SGCZ: variants seen among roughly 807,000 people sequenced by gnomAD.
SGCZ encodes the protein sarcoglycan zeta, also known as zeta-sarcoglycan.
A neutral mutation model predicts 41.3 loss-of-function variants in SGCZ; 40 were observed. The observed-to-expected ratio is 0.97, with a 90% CI of 0.75 to 1.26. The LOEUF (loss-of-function observed/expected upper bound fraction) is 1.26, where lower values mean the gene tolerates loss of function less well. Ranked by LOEUF, SGCZ falls within the 50% of genes most tolerant of loss-of-function variation. The pLI, the probability that SGCZ is intolerant of heterozygous loss-of-function variation, is 0.00. For synonymous variants in SGCZ, 206 were observed against 137.5 expected (o/e 1.50, Z -3.49); for missense variants, 552 against 369.8 (o/e 1.49, Z -4.04).
intron 1 of SGCZ, among the ~76,000 whole-genome samples, chr8:14,952,061 T>G (rs76941950): frequency 0.014 from 2,157 of 152,212 alleles, 55 homozygotes; most frequent in African/African-American, 0.048. Flanking sequence ...GTAAAATATT[T>G]TTTTCTCAAC....
At chr8:15,188,617 C>G (rs1800425816) in intron 1 of SGCZ, among the ~76,000 whole-genome samples, 1 of 152,088 alleles carries the variant, frequency 6.6e-6, no homozygotes, top group African/African-American at 2.4e-5. Context: ...TCCTGTTGTG[C>G]TTGTTTTAAA....
chr8:14,382,020 C>T (rs1017794398), intron 2 of SGCZ, among the ~76,000 whole-genome samples: 1 of 152,038 alleles, frequency 6.6e-6, no homozygotes, highest in African/African-American at 2.4e-5. Context: ...CGGAGCTTTA[C>T]CTTGCTAACT....
chr8:14,187,267 T>A (rs368579596), intron 4 of SGCZ, among the ~76,000 whole-genome samples: 3 of 152,320 alleles, frequency 2.0e-5, no homozygotes, highest in African/African-American at 7.2e-5. Flanking sequence ...TCTCAAAATA[T>A]GTTACCTAAA....
intron 1 of SGCZ, among the ~76,000 whole-genome samples, chr8:15,121,657 C>T (rs916655761): frequency 2.0e-5 from 3 of 152,050 alleles, no homozygotes; most frequent in African/African-American, 7.2e-5. Context: ...AGATCTCATG[C>T]TGGAGTAATC....
chr8:15,061,623 G>A (rs990316895), intron 1 of SGCZ, among the ~76,000 whole-genome samples: 1 of 151,988 alleles, frequency 6.6e-6, no homozygotes, highest in Admixed American at 6.6e-5. Context: ...TGAGAACTCA[G>A]TGCTCTTTCC....
chr8:14,784,458 G>C (rs1199396660), intron 1 of SGCZ, among the ~76,000 whole-genome samples: 1 of 151,926 alleles, frequency 6.6e-6, no homozygotes, highest in African/African-American at 2.4e-5. Flanking sequence ...TTAAAAAATA[G>C]TATCAAATTT....
intron 5 of SGCZ, among the ~76,000 whole-genome samples, chr8:14,148,133 G>T (rs532980876): frequency 6.6e-6 from 1 of 151,964 alleles, no homozygotes; most frequent in Non-Finnish European, 1.5e-5. Context: ...GTCTAACAAT[G>T]CATCTTAAAG....
At chr8:15,217,434 A>C (rs1801443092) in intron 1 of SGCZ, among the ~76,000 whole-genome samples, 2 of 143,972 alleles carry the variant, frequency 1.4e-5, no homozygotes, top group South Asian at 4.5e-4. Context: ...AAAAAAAAGA[A>C]TTGAACTAAC....
At chr8:15,210,566 C>G (rs1024079698) in intron 1 of SGCZ, among the ~76,000 whole-genome samples, 1 of 152,164 alleles carries the variant, frequency 6.6e-6, no homozygotes, top group African/African-American at 2.4e-5. Flanking sequence ...CTCCCAACAG[C>G]TGACTTTGTA....
intron 4 of SGCZ, among the ~76,000 whole-genome samples, chr8:14,176,182 T>A (rs776846502): frequency 6.6e-6 from 1 of 152,206 alleles, no homozygotes; most frequent in Non-Finnish European, 1.5e-5. Flanking sequence ...GTTAGCATAC[T>A]GGTCCTACAC....
chr8:14,703,335 C>A (rs1258687185), intron 1 of SGCZ, among the ~76,000 whole-genome samples: 2 of 151,938 alleles, frequency 1.3e-5, no homozygotes, highest in Non-Finnish European at 2.9e-5. Flanking sequence ...AATTTTGCCT[C>A]AGGGTGTGTG....
intron 1 of SGCZ, among the ~76,000 whole-genome samples, chr8:14,870,175 A>G (rs1035842656): frequency 1.3e-5 from 2 of 152,150 alleles, no homozygotes; most frequent in Non-Finnish European, 2.9e-5. Context: ...TCAAACTATG[A>G]TACAAGGCTA....
At chr8:14,606,137 G>A (rs10096334) in intron 1 of SGCZ, among the ~76,000 whole-genome samples, 23,952 of 151,642 alleles carry the variant, frequency 0.16, 2,306 homozygotes, top group Non-Finnish European at 0.21. Flanking sequence ...GTATAGCCAT[G>A]ACTTCACTAA....
At position 14,492,585 on chromosome 8, in the gene SGCZ, C is replaced by G. The variant is rs185746306; in HGVS notation, c.234+62147G>C. ...AGAAAAGTGAAAGCTTTTTTTTCCA[C>G]TCAAATATTCTAGTCTCTATCTGCT... On this transcript the variant is annotated intron_variant, in intron 2 of 7. Transcript: ENST00000382080. Among the ~76,000 whole-genome samples, 30 of 152,162 alleles carry G rather than the reference C, an allele frequency of 2.0e-4. 1 individual carries two copies. The highest frequency in any genetic ancestry group is 1.9e-3 in the Admixed American group (29 of 15,296).
At chr8:14,766,893 A>G (rs1027191597) in intron 1 of SGCZ, among the ~76,000 whole-genome samples, 4 of 151,350 alleles carry the variant, frequency 2.6e-5, no homozygotes, top group African/African-American at 9.8e-5. Flanking sequence ...TACTTTTAAT[A>G]GAATTTTTAT....
rs372809679 is a variant in SGCZ at position 14,508,735 on chromosome 8, T to G, written c.234+45997A>C. Among the ~76,000 whole-genome samples, 56 of 152,298 alleles carry G rather than the reference T, an allele frequency of 3.7e-4. 2 individuals are homozygous for G. In the South Asian group the frequency reaches 0.01, roughly 28 times the overall value. On this transcript the variant is annotated intron_variant, in intron 2 of 7. Coordinates refer to ENST00000382080, the MANE Select transcript of SGCZ (RefSeq NM_139167.4). Reference sequence around the variant, plus strand: ...AACAGTAGCAACGTTGGTTGTCAAGTTTTAGACTAAATTAGTTTTAATAGG... The same window carrying G: ...AACAGTAGCAACGTTGGTTGTCAAGGTTTAGACTAAATTAGTTTTAATAGG...
intron 5 of SGCZ, among the ~76,000 whole-genome samples, chr8:14,128,174 C>T (rs1802923872): frequency 6.6e-6 from 1 of 152,140 alleles, no homozygotes; most frequent in Admixed American, 6.5e-5. Flanking sequence ...GAAGACAGTG[C>T]TTCGATTCTA....
chr8:14,866,263 A>G (rs978015578), intron 1 of SGCZ, among the ~76,000 whole-genome samples: 9 of 152,100 alleles, frequency 5.9e-5, no homozygotes, highest in African/African-American at 9.7e-5. Context: ...TTAAAAGTTT[A>G]TTGTGAAGTT....
chr8:14,213,307 A>G (rs1489190104), intron 4 of SGCZ, among the ~76,000 whole-genome samples: 1 of 152,178 alleles, frequency 6.6e-6, no homozygotes, highest in Non-Finnish European at 1.5e-5. Context: ...AATTAAAGAG[A>G]AAAGCATGCA....
Sources: gnomAD v4.1 joint callset for allele counts (sites outside exome capture counted in the v4.1 genomes callset) on GRCh38, gnomAD v4.1.1 for gene constraint, MANE v1.5 for transcripts, NCBI Gene and HGNC (gene_info 2026-07-23, HGNC 2026-07-21) for gene names.